EI24: variants seen among roughly 807,000 people sequenced by gnomAD.
EI24 encodes the protein EI24 autophagy associated transmembrane protein, also known as etoposide-induced protein 2.4 homolog.
A neutral mutation model predicts 48.6 loss-of-function variants in EI24; 21 were observed. The observed-to-expected ratio is 0.43, with a 90% CI of 0.31 to 0.62. EI24 has a LOEUF of 0.62. Ranked by LOEUF, EI24 falls within the 20% of genes least tolerant of loss-of-function variation. The pLI is 0.10. For missense variants in EI24, 280 were observed against 410.5 expected, an observed-to-expected ratio of 0.68 and a Z score of 2.75; for synonymous variants, 114 against 145.5, an observed-to-expected ratio of 0.78 and a Z score of 1.56.
chr11:125,582,321 A>G, intron 9 of EI24, 25 bp from the exon 10 acceptor site: 1 of 1,377,690 alleles, frequency 7.3e-7, no homozygotes, highest in Non-Finnish European at 9.9e-7. Flanking sequence ...GTGACTAATT[A>G]TTTCTTTTTT....
intron 2 of EI24, chr11:125,573,534 G>A (rs887042829): frequency 7.8e-6 from 3 of 383,328 alleles, no homozygotes; most frequent in Admixed American, 2.7e-5. Flanking sequence ...GCTTGAGTCT[G>A]GGAGTATGAA....
In EI24 at chr11:125,584,229, C is replaced by CAAAAAAAAAAAAAAAAA. The variant is rs71045108; in HGVS notation, c.*563_*579dup. On this transcript the variant is annotated 3_prime_UTR_variant, in exon 11 of 11. Transcript: ENST00000278903. ...GGTTTTGGTCTCTCTTGCTCCACTG[C>CAAAAAAAAAAAAAAAAA]AAAAAAAAAAAAAAAAAAAAAAAAA... 2.0e-5 allele frequency: 1 copy of CAAAAAAAAAAAAAAAAA among 49,658 alleles called. No homozygotes were observed. Among genetic ancestry groups the CAAAAAAAAAAAAAAAAA allele is most frequent in the African/African-American group, 9.7e-5 (1 of 10,310 alleles). 3.1% of individuals were successfully genotyped at this position (49,658 alleles called of 1,614,324 possible).
chr11:125,569,714 G>A (rs1938458383), intron 1 of EI24, 141 bp downstream of exon 1: 1 of 317,130 alleles, frequency 3.2e-6, no homozygotes, highest in South Asian at 1.6e-4. Flanking sequence ...GGGGCCGGAG[G>A]GAGCGGGACG....
chr11:125,574,195 A>G (rs146291783), intron 2 of EI24, among the ~76,000 whole-genome samples: 1,900 of 151,776 alleles, frequency 0.013, 32 homozygotes, highest in African/African-American at 0.034. Context: ...AGAGGTTGCA[A>G]TGAGCCAAGA....
At position 125,574,177 on chromosome 11, in the gene EI24, T is replaced by C. The variant is rs1938642664; in HGVS notation, c.43-1086T>C. 2.0e-5 allele frequency among the ~76,000 whole-genome samples: 3 copies of C among 151,650 alleles called. No individual in the cohort carries two copies. In the South Asian group the frequency reaches 6.3e-4, roughly 32 times the overall value. ...CTGAGGCAGGAGAATCGTTTGAACC[T>C]GGGAGGTAGAGGTTGCAATGAGCCA... On this transcript the variant is annotated intron_variant, in intron 2 of 10. Coordinates refer to ENST00000278903, the MANE Select transcript of EI24 (RefSeq NM_004879.5).
intron 2 of EI24, among the ~76,000 whole-genome samples, chr11:125,574,042 T>C (rs779614840): frequency 2.0e-5 from 3 of 151,848 alleles, no homozygotes; most frequent in Non-Finnish European, 4.4e-5. Flanking sequence ...GCTGTAAAAT[T>C]TCAACCCTCC....
chr11:125,583,031 A>G (rs553929083), intron 10 of EI24, among the ~76,000 whole-genome samples: 3 of 152,302 alleles, frequency 2.0e-5, no homozygotes, highest in East Asian at 1.9e-4. Flanking sequence ...AAATATAACT[A>G]TTTCCTGTAA....
At chr11:125,572,022 G>A (rs566506827) in intron 1 of EI24, among the ~76,000 whole-genome samples, 6 of 152,118 alleles carry the variant, frequency 3.9e-5, no homozygotes, top group Non-Finnish European at 7.3e-5. Flanking sequence ...TCTTGCTCTT[G>A]TATTTTCATT....
At position 125,578,104 on chromosome 11, in the gene EI24, T is replaced by C. The variant is rs369795047; in HGVS notation, c.317-29T>C. ...GGTCTTCTGGATTTCCATTTCTCCA[T>C]TTCTAGTAACTCGTTTCCTCTTTCT... On this transcript the variant is annotated intron_variant, in intron 5 of 10. Coordinates refer to ENST00000278903, the MANE Select transcript of EI24 (RefSeq NM_004879.5). The C allele has an allele frequency of 2.5e-6, 4 of 1,611,730 alleles. No individual in the cohort carries two copies. In the African/African-American group the frequency reaches 5.3e-5, roughly 22 times the overall value.
chr11:125,577,044 G>T (rs188818514), intron 4 of EI24, among the ~76,000 whole-genome samples: 3 of 152,166 alleles, frequency 2.0e-5, no homozygotes, highest in Admixed American at 2.0e-4. Flanking sequence ...AAATAGAAAT[G>T]GATCCAGTTT....
chr11:125,581,077 AAATAAT>A (rs145007951), intron 8 of EI24, 128 bp from the exon 9 acceptor site: 15,185 of 193,282 alleles, frequency 0.079, 726 homozygotes, highest in African/African-American at 0.12. Context: ...ACTCCATCTC[AAATAAT>A]AATAATAATA....
chr11:125,583,699 A>G lies in EI24; in HGVS notation c.*16A>G. On this transcript the variant is annotated 3_prime_UTR_variant, in exon 11 of 11. Coordinates refer to ENST00000278903, the MANE Select transcript of EI24 (RefSeq NM_004879.5). ...AGGTCACTGAGTTGCCTGCCATCCA[A>G]AGGGGATGGGCGGGATTGGAAGAAG... 4 of 1,608,796 alleles carry G rather than the reference A, an allele frequency of 2.5e-6. No homozygotes were observed. The highest frequency in any genetic ancestry group is 3.4e-6 in the Non-Finnish European group (4 of 1,177,594).
At chr11:125,578,061 G>A in intron 5 of EI24, 72 bp from the exon 6 acceptor site, 1 of 1,584,226 alleles carries the variant, frequency 6.3e-7, no homozygotes, top group East Asian at 2.2e-5. Flanking sequence ...ATAGTCACGA[G>A]ATGGGGGTTC....
chr11:125,578,084 T>C, intron 5 of EI24, 49 bp from the exon 6 acceptor site: 1 of 1,610,702 alleles, frequency 6.2e-7, no homozygotes, highest in Non-Finnish European at 8.5e-7. Flanking sequence ...CATTTGGTCT[T>C]CTGGATTTCC....
intron 1 of EI24, among the ~76,000 whole-genome samples, 179 bp from the exon 2 acceptor site, chr11:125,572,279 T>C (rs1312368771): frequency 6.6e-6 from 1 of 152,074 alleles, no homozygotes; most frequent in Non-Finnish European, 1.5e-5. Flanking sequence ...AGAAAAAAAA[T>C]AGGGATTTTA....
intron 2 of EI24, chr11:125,573,427 T>G (rs1938603070): frequency 5.0e-6 from 1 of 200,134 alleles, no homozygotes. Flanking sequence ...GGGAGGTTCT[T>G]TCTTTAGTGG....
chr11:125,582,536 T>C (rs1404423604), intron 10 of EI24, 116 bp downstream of exon 10: 2 of 780,956 alleles, frequency 2.6e-6, no homozygotes, highest in Non-Finnish European at 3.9e-6. Flanking sequence ...AATCTTAATA[T>C]AAGGTTTAAT....
At position 125,577,394 on chromosome 11, in the gene EI24, C is replaced by T; in HGVS notation, c.250-110C>T. On this transcript the variant is annotated intron_variant, in intron 4 of 10. Coordinates refer to ENST00000278903, the MANE Select transcript of EI24 (RefSeq NM_004879.5). ...ATGAGCCACCGCGCCCGGCCTAGGCCTCCTGATTTATAAAAGTCACTCCCA... is the reference window on the plus strand; with the variant it reads ...ATGAGCCACCGCGCCCGGCCTAGGCTTCCTGATTTATAAAAGTCACTCCCA... 3.6e-6 allele frequency: 4 copies of T among 1,116,878 alleles called. No homozygotes were observed. The South Asian group carries it at 4.2e-5, about 12-fold the overall frequency. 69.2% of individuals were successfully genotyped at this position (1,116,878 alleles called of 1,614,324 possible).
intron 2 of EI24, among the ~76,000 whole-genome samples, chr11:125,574,161 G>A (rs1342804816): frequency 1.3e-5 from 2 of 151,966 alleles, no homozygotes; most frequent in African/African-American, 4.8e-5. Context: ...GCTGAGGCAG[G>A]AGAATCGTTT....
Sources: gnomAD v4.1 joint callset for allele counts (sites outside exome capture counted in the v4.1 genomes callset) on GRCh38, gnomAD v4.1.1 for gene constraint, MANE v1.5 for transcripts, NCBI Gene and HGNC (gene_info 2026-07-23, HGNC 2026-07-21) for gene names.